ALMS1: variants seen among roughly 807,000 people sequenced by gnomAD.
The protein encoded by ALMS1 is centrosome-associated protein ALMS1.
ALMS1 carries 271 observed loss-of-function variants against 352.2 expected under a neutral mutation model. The ratio of observed to expected loss-of-function variants is 0.77; its 90% confidence interval spans 0.70 to 0.85. ALMS1 has a LOEUF of 0.85. Among genes scored for constraint, ALMS1 ranks in the 40% least tolerant of loss-of-function variants. The pLI is 0.00. For missense variants in ALMS1, 5,445 were observed against 4,870.7 expected (o/e 1.12, Z -3.51); for synonymous variants, 1,865 against 1,761.2 (o/e 1.06, Z -1.48).
At chr2:73,551,898 A>G (rs1420151183) in intron 13 of ALMS1, among the ~76,000 whole-genome samples, 4 of 152,196 alleles carry the variant, frequency 2.6e-5, no homozygotes, top group Non-Finnish European at 4.4e-5. Context: ...ATTCCTGTGT[A>G]TAACTATTAG....
intron 22 of ALMS1, 113 bp downstream of exon 22, chr2:73,608,687 A>G (rs1451476142): frequency 4.8e-6 from 4 of 838,188 alleles, no homozygotes; most frequent in South Asian, 1.4e-5. Flanking sequence ...CATTTGAGGA[A>G]TGAACTTAGA....
intron 4 of ALMS1, 80 bp from the exon 5 acceptor site, chr2:73,424,350 T>G: frequency 1.1e-6 from 1 of 876,630 alleles, no homozygotes; most frequent in Non-Finnish European, 1.7e-6. Flanking sequence ...TTCAGTGACA[T>G]ATGTATTTTT....
At chr2:73,537,773 A>G (rs769736775) in intron 12 of ALMS1, among the ~76,000 whole-genome samples, 4 of 152,284 alleles carry the variant, frequency 2.6e-5, no homozygotes, top group South Asian at 4.1e-4. Context: ...TTGGGAGGCC[A>G]AGATGGGAGG....
chr2:73,418,531 T>C (rs1671223998), intron 2 of ALMS1, among the ~76,000 whole-genome samples: 1 of 152,234 alleles, frequency 6.6e-6, no homozygotes, highest in African/African-American at 2.4e-5. Context: ...CCGGCTCAAC[T>C]GTGTAAAAAT....
intron 10 of ALMS1, among the ~76,000 whole-genome samples, chr2:73,513,424 C>G (rs753990879): frequency 1.3e-5 from 2 of 152,164 alleles, no homozygotes; most frequent in Non-Finnish European, 2.9e-5. Flanking sequence ...TACTTGGATG[C>G]CCTCATCTTG....
chr2:73,467,335 C>T (rs1187076162), intron 9 of ALMS1, among the ~76,000 whole-genome samples: 4 of 152,050 alleles, frequency 2.6e-5, no homozygotes, highest in Non-Finnish European at 1.5e-5. Flanking sequence ...ATGAAGATAT[C>T]CAAGTGGACA....
rs931662076 is a variant in ALMS1 at position 73,452,753 on chromosome 2, G to C, written c.6226G>C (p.Ala2076Pro). Residue 2076 changes from alanine to proline, a missense_variant, in exon 8 of 23, where the codon GCT becomes CCT. By Grantham distance (27) the Ala-to-Pro change is conservative. Coordinates refer to ENST00000613296, the MANE Select transcript of ALMS1 (RefSeq NM_001378454.1). ...DQSKGILKIS[A>P]VPELTDVNTG... ...AAGTAAAGGTATTCTAAAGATTTCA[G>C]CTGTCCCTGAACTAACTGATGTGAA... 3.1e-6 allele frequency: 5 copies of C among 1,613,396 alleles called. No homozygotes were observed. Among genetic ancestry groups the C allele is most frequent in the African/African-American group, 1.3e-5 (1 of 75,052 alleles).
At chr2:73,501,128 T>C (rs1673210556) in intron 10 of ALMS1, among the ~76,000 whole-genome samples, 1 of 152,182 alleles carries the variant, frequency 6.6e-6, no homozygotes, top group South Asian at 2.1e-4. Flanking sequence ...CTTGCCCATT[T>C]GCATGATTTT....
rs1386434113 is a variant in ALMS1 at position 73,452,242 on chromosome 2, T to C, written c.5715T>C (p.Phe1905=). ...CAAATAGAGAGAAGGCCAGTATTTT[T>C]CATCAGCAGGAGTTGCCAGATGTTA... The part of the protein sequence containing the change: ...SYSNREKASI[F]HQQELPDVTE... Residue 1905 remains phenylalanine (F), a synonymous_variant, in exon 8 of 23, where the codon TTT becomes TTC. Transcript: ENST00000613296. 1.2e-6 allele frequency: 2 copies of C among 1,614,078 alleles called. No individual in the cohort carries two copies. Among genetic ancestry groups the C allele is most frequent in the African/African-American group, 1.3e-5 (1 of 75,032 alleles).
At chr2:73,563,860 TAAAAC>T (rs1020094683) in intron 15 of ALMS1, among the ~76,000 whole-genome samples, 7 of 149,096 alleles carry the variant, frequency 4.7e-5, no homozygotes, top group South Asian at 4.2e-4. Flanking sequence ...AGAAAAAAAA[TAAAAC>T]AGACAACCCT....
At chr2:73,590,782 G>A (rs973949305) in intron 16 of ALMS1, among the ~76,000 whole-genome samples, 2 of 149,830 alleles carry the variant, frequency 1.3e-5, no homozygotes, top group Admixed American at 6.7e-5. Context: ...GGGTTCAAGC[G>A]ATTTTCCTGC....
chr2:73,539,567 A>C (rs980416005), intron 12 of ALMS1, among the ~76,000 whole-genome samples: 1 of 152,198 alleles, frequency 6.6e-6, no homozygotes, highest in Non-Finnish European at 1.5e-5. Context: ...TCAGATGATC[A>C]AACTACTCCG....
chr2:73,529,532 C>G (rs1034491758), intron 11 of ALMS1, among the ~76,000 whole-genome samples: 15 of 152,126 alleles, frequency 9.9e-5, no homozygotes, highest in Admixed American at 9.2e-4. Flanking sequence ...CACAGTCTGA[C>G]TTTGTTTATA....
intron 1 of ALMS1, 151 bp from the exon 2 acceptor site, chr2:73,408,470 TA>T: frequency 1.1e-6 from 1 of 895,144 alleles, no homozygotes; most frequent in Non-Finnish European, 1.7e-6. Context: ...ACCTTAAGGA[TA>T]ATAGCTTGTA....
chr2:73,544,474 C>A (rs1674267435), intron 12 of ALMS1, among the ~76,000 whole-genome samples: 1 of 151,944 alleles, frequency 6.6e-6, no homozygotes, highest in Admixed American at 6.6e-5. Flanking sequence ...ATGTAACAAA[C>A]CTGCACGTTG....
intron 11 of ALMS1, among the ~76,000 whole-genome samples, chr2:73,530,769 G>A (rs1673892653): frequency 6.6e-6 from 1 of 152,214 alleles, no homozygotes; most frequent in African/African-American, 2.4e-5. Flanking sequence ...TGAAATCTAG[G>A]TGGAGGCTCC....
Position 73,448,285 on chromosome 2 carries a change from G to A in ALMS1, c.1758G>A (p.Gln586=), listed in dbSNP as rs377037998. The A allele has an allele frequency of 3.1e-6, 5 of 1,613,578 alleles. No homozygotes were observed. In the South Asian group the frequency reaches 3.3e-5, roughly 11 times the overall value. The change falls in exon 8 of 23, where the codon CAG becomes CAA. Residue 586 remains glutamine (Q), a synonymous_variant. Transcript: ENST00000613296. ...GGGGGAAGCCCAGCATTTTCTACCA[G>A]CAGGGCTTGCCAGACAGTCATCTAA... ...SHRGKPSIFY[Q]QGLPDSHLTE...
chr2:73,518,945 GT>G (rs1673615445), intron 10 of ALMS1, among the ~76,000 whole-genome samples: 1 of 152,056 alleles, frequency 6.6e-6, no homozygotes, highest in African/African-American at 2.4e-5. Context: ...CCACTTGTCA[GT>G]TTTTGCTTTC....
intron 11 of ALMS1, among the ~76,000 whole-genome samples, chr2:73,521,352 C>G (rs1360947508): frequency 1.3e-5 from 2 of 151,982 alleles, no homozygotes; most frequent in Non-Finnish European, 2.9e-5. Flanking sequence ...GGGTCTGTTC[C>G]AGATACTTCT....
Sources: gnomAD v4.1 joint callset for allele counts (sites outside exome capture counted in the v4.1 genomes callset) on GRCh38, gnomAD v4.1.1 for gene constraint, MANE v1.5 for transcripts, NCBI Gene and HGNC (gene_info 2026-07-23, HGNC 2026-07-21) for gene names.